The following PLRG1 variants were observed in gnomAD, a reference collection of about 807,000 sequenced individuals.
PLRG1 encodes the protein pleiotropic regulator 1, also known as pleiotropic regulator 1 (PRL1 homolog, Arabidopsis).
PLRG1 carries 28 observed loss-of-function variants against 74.9 expected under a neutral mutation model. The observed-to-expected ratio is 0.37, with a 90% CI of 0.28 to 0.51. The LOEUF (loss-of-function observed/expected upper bound fraction) is 0.51, where lower values mean the gene tolerates loss of function less well. Among genes scored for constraint, PLRG1 ranks in the 20% least tolerant of loss-of-function variants. The pLI is 0.91. For missense variants in PLRG1, 445 were observed against 631.9 expected (o/e 0.70, Z 3.17); for synonymous variants, 197 against 212.4 (o/e 0.93, Z 0.63).
intron 14 of PLRG1, 78 bp downstream of exon 14, chr4:154,537,208 C>T: frequency 3.7e-6 from 3 of 818,818 alleles, no homozygotes; most frequent in Admixed American, 5.3e-5. Flanking sequence ...ATTATTTTTC[C>T]TTCTGATAAT....
rs1297417708 is a variant in PLRG1, at chr4:154,540,595, C to A, written c.938G>T (p.Arg313Leu). ...AATACACAACTCTATCCCATTTACC[C>A]GTGCAGTTGAATCTCGACTACAGGT... Reference protein sequence around the residue: ...LVTCSRDSTARIWDVRTKASV... With the variant: ...LVTCSRDSTALIWDVRTKASV... The change falls in exon 10 of 15, where the codon CGG becomes CTG. Residue 313 changes from arginine to leucine, a missense_variant and splice_region_variant. Physicochemically the swap from Arg to Leu is moderately radical, Grantham distance 102. Transcript: ENST00000499023. 1 of 1,596,538 alleles carries A rather than the reference C, an allele frequency of 6.3e-7. No homozygotes were observed. The highest frequency in any genetic ancestry group is 8.6e-7 in the Non-Finnish European group (1 of 1,164,080).
At chr4:154,547,451 T>C (rs1729678633) in intron 3 of PLRG1, 3 of 518,944 alleles carry the variant, frequency 5.8e-6, no homozygotes, top group African/African-American at 3.9e-5. Context: ...CTCCAATTTT[T>C]TCCTTTAATC....
At position 154,540,696 on chromosome 4, in the gene PLRG1, C is replaced by CT. The variant is rs1345126188; in HGVS notation, c.838-2dup. 6.2e-7 allele frequency: 1 copy of CT among 1,612,538 alleles called. No individual in the cohort carries two copies. Among genetic ancestry groups the CT allele is most frequent in the Non-Finnish European group, 8.5e-7 (1 of 1,178,650 alleles). ...AATGTCCATGATAATGCCGTATAAC[C>CT]TAAAGACAAAGCAGGAAAGTTAAAA... On this transcript the variant is annotated splice_acceptor_variant, in intron 9 of 14. Coordinates refer to ENST00000499023, the MANE Select transcript of PLRG1 (RefSeq NM_002669.4). LOFTEE classifies it high-confidence loss of function.
intron 4 of PLRG1, chr4:154,546,772 T>C (rs1262673927): frequency 7.5e-6 from 4 of 532,760 alleles, no homozygotes; most frequent in Non-Finnish European, 1.4e-5. Flanking sequence ...TAACTAGGCC[T>C]GCAACAGTTT....
chr4:154,541,869 T>A, intron 8 of PLRG1: 1 of 291,646 alleles, frequency 3.4e-6, no homozygotes, highest in South Asian at 5.4e-5. Flanking sequence ...TCTATGTACT[T>A]TCCTAATTCT....
intron 12 of PLRG1, chr4:154,538,866 C>T (rs1227441391): frequency 1.6e-5 from 7 of 438,596 alleles, no homozygotes; most frequent in Admixed American, 7.4e-5. Context: ...TCATGATTTA[C>T]ACTGTCTCAT....
At chr4:154,537,528 C>A in intron 13 of PLRG1, 49 bp from the exon 14 acceptor site, 1 of 1,334,312 alleles carries the variant, frequency 7.5e-7, no homozygotes, top group Non-Finnish European at 1.1e-6. Flanking sequence ...AGCAGTACAG[C>A]TTGACAAACA....
rs771248045 is a variant in PLRG1 at position 154,547,813 on chromosome 4, C to T, written c.157G>A (p.Gly53Ser). The part of the protein sequence containing the change: ...KMAIKLRNEY[G>S]PVLHMPTSKE... Reference sequence around the variant, plus strand: ...GAAGTAGGCATATGCAACACAGGACCATACTCATTACGAAGCTTGATTGCC... The same window carrying T: ...GAAGTAGGCATATGCAACACAGGACTATACTCATTACGAAGCTTGATTGCC... The change falls in exon 3 of 15, where the codon GGT (glycine) becomes AGT (serine). Residue 53 changes from glycine (G) to serine (S), a missense_variant. By Grantham distance (56) the Gly-to-Ser change is moderately conservative. Transcript: ENST00000499023. 3 of 1,611,416 alleles carry T rather than the reference C, an allele frequency of 1.9e-6. No homozygotes were observed. The highest frequency in any genetic ancestry group is 2.2e-5 in the South Asian group (2 of 90,402).
intron 14 of PLRG1, 73 bp downstream of exon 14, chr4:154,537,212 TG>T (rs1428702092): frequency 1.2e-6 from 1 of 862,760 alleles, no homozygotes; most frequent in African/African-American, 1.7e-5. Context: ...TTTTTCCTTC[TG>T]ATAATTAAAT....
intron 1 of PLRG1, 105 bp from the exon 2 acceptor site, chr4:154,549,040 T>C (rs1729711010): frequency 1.4e-6 from 1 of 717,532 alleles, no homozygotes; most frequent in African/African-American, 1.7e-5. Flanking sequence ...GTAAAAAGCT[T>C]TATACCACTC....
chr4:154,539,893 TATA>T (rs1560806430), intron 11 of PLRG1, 55 bp downstream of exon 11: 9 of 837,890 alleles, frequency 1.1e-5, no homozygotes, highest in Non-Finnish European at 8.5e-6. Flanking sequence ...AAAGTATATG[TATA>T]ATAACATGGA....
At chr4:154,537,202 T>C in intron 14 of PLRG1, 84 bp downstream of exon 14, 2 of 781,904 alleles carry the variant, frequency 2.6e-6, no homozygotes, top group Non-Finnish European at 4.1e-6. Flanking sequence ...ATAAAGATTA[T>C]TTTTCCTTCT....
chr4:154,547,672 C>T (rs372804137), intron 3 of PLRG1, 39 bp downstream of exon 3: 1 of 1,575,884 alleles, frequency 6.3e-7, no homozygotes, highest in African/African-American at 1.4e-5. Flanking sequence ...TTTTAAAATT[C>T]ACATATAAGT....
Position 154,547,762 on chromosome 4 carries a change from G to C in PLRG1, c.208C>G (p.Pro70Ala). Residue 70 changes from proline (P) to alanine (A), a missense_variant, in exon 3 of 15, where the codon CCT becomes GCT. Pro to Ala is a conservative substitution (Grantham distance 27). Around this residue, in one of 3 missense-constraint regions of PLRG1, gnomAD observed 206 missense variants for 210.8 expected, o/e 0.98. Coordinates refer to ENST00000499023, the MANE Select transcript of PLRG1 (RefSeq NM_002669.4). ...ACATATGAATCCGTTGCATTCTGAG[G>C]ACCCTTCTCTTTAAGATTTTCTTTT... ...TSKENLKEKG[P>A]QNATDSYVHK... 1 of 1,612,836 alleles carries C rather than the reference G, an allele frequency of 6.2e-7. No individual in the cohort carries two copies. Among genetic ancestry groups the C allele is most frequent in the Non-Finnish European group, 8.5e-7 (1 of 1,178,962 alleles).
intron 8 of PLRG1, 183 bp downstream of exon 8, chr4:154,542,004 A>C (rs1729563843): frequency 1.8e-6 from 1 of 558,688 alleles, no homozygotes; most frequent in Non-Finnish European, 3.2e-6. Flanking sequence ...TGGTTTAAAT[A>C]GCACTTTTCA....
intron 10 of PLRG1, 195 bp downstream of exon 10, chr4:154,540,399 T>C (rs1729534157): frequency 5.0e-6 from 3 of 596,692 alleles, no homozygotes; most frequent in Admixed American, 6.1e-5. Context: ...CTAATAACAC[T>C]AACATGGTGA....
intron 1 of PLRG1, chr4:154,549,879 A>G: frequency 2.4e-6 from 1 of 417,434 alleles, no homozygotes; most frequent in Admixed American, 2.9e-5. Context: ...AGATGTAAAG[A>G]ACGGCAAGTT....
chr4:154,536,619 G>C lies in PLRG1; in HGVS notation c.*66C>G. On this transcript the variant is annotated 3_prime_UTR_variant, in exon 15 of 15. Coordinates refer to ENST00000499023, the MANE Select transcript of PLRG1 (RefSeq NM_002669.4). ...GCACAAAATGACTGGATATCCTCAT[G>C]AACGCCAAGCTTTTTTTTTTTTAAT... The C allele has an allele frequency of 1.2e-6, 1 of 840,816 alleles. No individual in the cohort carries two copies. The highest frequency in any genetic ancestry group is 1.9e-6 in the Non-Finnish European group (1 of 517,884). The allele number at this position is 840,816 out of a possible 1,614,324, so 52.1% of individuals were successfully genotyped here.
chr4:154,542,143 G>T, intron 8 of PLRG1, 44 bp downstream of exon 8: 2 of 1,193,784 alleles, frequency 1.7e-6, no homozygotes, highest in South Asian at 1.2e-5. Context: ...AAACTTACAT[G>T]ACAAACACAA....
Sources: gnomAD v4.1 joint callset for allele counts on GRCh38, gnomAD v4.1.1 for gene constraint, gnomAD v4.1.1 regional missense constraint, MANE v1.5 for transcripts, NCBI Gene and HGNC (gene_info 2026-07-23, HGNC 2026-07-21) for gene names.